SNTB1: variants seen among roughly 807,000 people sequenced by gnomAD.
The protein encoded by SNTB1 is beta-1-syntrophin.
A neutral mutation model predicts 48.9 loss-of-function variants in SNTB1; 36 were observed. The ratio of observed to expected loss-of-function variants is 0.74; its 90% confidence interval spans 0.56 to 0.97. The LOEUF (loss-of-function observed/expected upper bound fraction) is 0.97, where lower values mean the gene tolerates loss of function less well. Ranked by LOEUF, SNTB1 falls within the 50% of genes least tolerant of loss-of-function variation. The probability of loss-of-function intolerance (pLI) is 0.00; values close to 1 mark genes in which losing one functional copy is unlikely to be tolerated. For missense variants in SNTB1, 786 were observed against 703.4 expected, an observed-to-expected ratio of 1.12 and a Z score of -1.33; for synonymous variants, 299 against 294.6, an observed-to-expected ratio of 1.01 and a Z score of -0.15.
At chr8:120,673,481 G>A (rs1817788410) in intron 2 of SNTB1, among the ~76,000 whole-genome samples, 1 of 151,960 alleles carries the variant, frequency 6.6e-6, no homozygotes, top group Non-Finnish European at 1.5e-5. Context: ...AGTAGAGGCA[G>A]GGTTTCACCA....
chr8:120,710,810 A>T (rs545981759), intron 1 of SNTB1, among the ~76,000 whole-genome samples: 12 of 151,866 alleles, frequency 7.9e-5, no homozygotes, highest in South Asian at 2.1e-4. Flanking sequence ...TAAGAAATAA[A>T]TTTTTTTTTC....
chr8:120,567,037 G>T (rs1815761344), intron 4 of SNTB1, among the ~76,000 whole-genome samples: 1 of 152,170 alleles, frequency 6.6e-6, no homozygotes, highest in Non-Finnish European at 1.5e-5. Flanking sequence ...AGAATCAAAA[G>T]GTAGAAACAG....
chr8:120,766,023 G>A (rs967877957), intron 1 of SNTB1, among the ~76,000 whole-genome samples: 8 of 152,060 alleles, frequency 5.3e-5, no homozygotes, highest in African/African-American at 1.2e-4. Context: ...ACAGTTTACG[G>A]CACTCTTCTT....
intron 1 of SNTB1, among the ~76,000 whole-genome samples, chr8:120,732,478 C>T (rs1818868874): frequency 6.6e-6 from 1 of 152,160 alleles, no homozygotes; most frequent in Admixed American, 6.5e-5. Flanking sequence ...GTAATTATAT[C>T]ATTTACTTCA....
chr8:120,584,822 G>A (rs1816111169), intron 3 of SNTB1, among the ~76,000 whole-genome samples: 1 of 152,144 alleles, frequency 6.6e-6, no homozygotes, highest in African/African-American at 2.4e-5. Context: ...TAATAAAAGG[G>A]GAAAGGTGTA....
At chr8:120,803,915 T>C (rs193177177) in intron 1 of SNTB1, among the ~76,000 whole-genome samples, 446 of 152,328 alleles carry the variant, frequency 2.9e-3, no homozygotes, top group Non-Finnish European at 5.4e-3. Flanking sequence ...TATGAATACC[T>C]GTATAACATT....
chr8:120,797,546 C>CT (rs60374035), intron 1 of SNTB1, among the ~76,000 whole-genome samples: 32,307 of 69,024 alleles, frequency 0.47, 11,942 homozygotes, highest in Non-Finnish European at 0.6. Context: ...ACTTGTTTCT[C>CT]TTTTTTTTTT....
chr8:120,563,462 C>CA (rs1375116082), intron 4 of SNTB1, among the ~76,000 whole-genome samples: 1 of 152,084 alleles, frequency 6.6e-6, no homozygotes, highest in Non-Finnish European at 1.5e-5. Context: ...ATAGGGGCAC[C>CA]ATTGAAGTTT....
intron 1 of SNTB1, among the ~76,000 whole-genome samples, chr8:120,736,074 GGAA>G (rs1399805677): frequency 6.6e-6 from 1 of 152,076 alleles, no homozygotes; most frequent in Non-Finnish European, 1.5e-5. Context: ...AAGGCAAAGG[GGAA>G]GCAAGGCACC....
rs371995961 is a variant in SNTB1, at chr8:120,566,406, G to A, written c.1136+8680C>T. Among the ~76,000 whole-genome samples, 7 of 150,436 alleles carry A rather than the reference G, an allele frequency of 4.7e-5. No homozygotes were observed. In the East Asian group the frequency reaches 5.9e-4, roughly 13 times the overall value. ...AGTCCCTTTTTGCCCTTCCACCCACGTGAGAACACAGCAACAGGCTCCATC... is the reference window on the plus strand; with the variant it reads ...AGTCCCTTTTTGCCCTTCCACCCACATGAGAACACAGCAACAGGCTCCATC... On this transcript the variant is annotated intron_variant, in intron 4 of 6. Coordinates refer to ENST00000517992, the MANE Select transcript of SNTB1 (RefSeq NM_021021.4).
At chr8:120,800,476 A>T (rs1820205373) in intron 1 of SNTB1, among the ~76,000 whole-genome samples, 1 of 152,070 alleles carries the variant, frequency 6.6e-6, no homozygotes, top group South Asian at 2.1e-4. Flanking sequence ...CTCCAGTGAA[A>T]CTAGGGAGTA....
intron 2 of SNTB1, among the ~76,000 whole-genome samples, chr8:120,651,582 A>G (rs1817411747): frequency 6.6e-6 from 1 of 152,216 alleles, no homozygotes; most frequent in Admixed American, 6.5e-5. Context: ...GTTTTTGCTG[A>G]TAACATACCC....
At chr8:120,757,612 C>T (rs1819339233) in intron 1 of SNTB1, among the ~76,000 whole-genome samples, 1 of 152,104 alleles carries the variant, frequency 6.6e-6, no homozygotes, top group South Asian at 2.1e-4. Context: ...GAAAGCACTC[C>T]TAATCACCCC....
Position 120,679,698 on chromosome 8 carries a change from C to T in SNTB1, c.788+13994G>A, listed in dbSNP as rs150746142. Among the ~76,000 whole-genome samples, 5 of 152,298 alleles carry T rather than the reference C, an allele frequency of 3.3e-5. No individual in the cohort carries two copies. The East Asian group carries it at 7.7e-4, about 24-fold the overall frequency. On this transcript the variant is annotated intron_variant, in intron 2 of 6. Transcript: ENST00000517992. ...CTAAATTTCTGCAACAGCATCCTAG[C>T]TAGTCTCCCAGCCTCTAGTCTTGCC...
At chr8:120,798,369 C>G (rs561191606) in intron 1 of SNTB1, among the ~76,000 whole-genome samples, 1 of 152,066 alleles carries the variant, frequency 6.6e-6, no homozygotes, top group African/African-American at 2.4e-5. Context: ...TTTTTGCCCT[C>G]CAGAAAACAC....
chr8:120,642,452 A>G (rs1339187491), intron 2 of SNTB1, among the ~76,000 whole-genome samples: 1 of 152,182 alleles, frequency 6.6e-6, no homozygotes, highest in Non-Finnish European at 1.5e-5. Context: ...TGTTCCACAA[A>G]TTATACAGAT....
intron 2 of SNTB1, among the ~76,000 whole-genome samples, chr8:120,639,263 A>G (rs1817142652): frequency 6.6e-6 from 1 of 151,784 alleles, no homozygotes; most frequent in African/African-American, 2.4e-5. Flanking sequence ...AATTTGTTTG[A>G]GTTCTTTGTA....
At chr8:120,562,876 AAAAAAGAAAAAG>A (rs369431796) in intron 4 of SNTB1, among the ~76,000 whole-genome samples, 4,605 of 151,782 alleles carry the variant, frequency 0.03, 213 homozygotes, top group African/African-American at 0.1. Flanking sequence ...CTACCGCTCA[AAAAAAGAAAAAG>A]AAAAAGAAAA....
chr8:120,728,456 C>T (rs961236689), intron 1 of SNTB1, among the ~76,000 whole-genome samples: 1 of 152,066 alleles, frequency 6.6e-6, no homozygotes, highest in Non-Finnish European at 1.5e-5. Context: ...GCATAGTACC[C>T]AACAGTTGAT....
Sources: gnomAD v4.1 joint callset for allele counts (sites outside exome capture counted in the v4.1 genomes callset) on GRCh38, gnomAD v4.1.1 for gene constraint, MANE v1.5 for transcripts, NCBI Gene and HGNC (gene_info 2026-07-23, HGNC 2026-07-21) for gene names.